The following ACACA variants were observed in gnomAD, a reference collection of about 807,000 sequenced individuals.
ACACA encodes the protein acetyl-CoA carboxylase alpha, also known as acetyl-CoA carboxylase 1.
ACACA carries 103 observed loss-of-function variants against 296.1 expected under a neutral mutation model. The observed-to-expected ratio is 0.35, with a 90% CI of 0.30 to 0.41. ACACA has a LOEUF of 0.41. Among genes scored for constraint, ACACA ranks in the 10% least tolerant of loss-of-function variants. The pLI is 1.00. For synonymous variants in ACACA, 953 were observed against 1,038.6 expected, an observed-to-expected ratio of 0.92 and a Z score of 1.58; for missense variants, 1,554 against 2,989.7, an observed-to-expected ratio of 0.52 and a Z score of 11.20.
intron 29 of ACACA, chr17:37,221,517 C>T: frequency 1.6e-6 from 1 of 631,142 alleles, no homozygotes; most frequent in South Asian, 1.8e-5. Context: ...TGGAGTAATC[C>T]TAAACTTTCA....
chr17:37,143,107 G>A (rs532666815), intron 45 of ACACA, among the ~76,000 whole-genome samples: 1 of 152,106 alleles, frequency 6.6e-6, no homozygotes, highest in Non-Finnish European at 1.5e-5. Flanking sequence ...GTAGCCCAGA[G>A]AGGTTAAATA....
intron 45 of ACACA, among the ~76,000 whole-genome samples, chr17:37,130,974 C>T (rs1355988559): frequency 6.6e-6 from 1 of 150,704 alleles, no homozygotes; most frequent in Non-Finnish European, 1.5e-5. Context: ...ATTACTTTTG[C>T]ACCAGCCTAA....
At chr17:37,361,898 T>C (rs2049418143) in intron 1 of ACACA, among the ~76,000 whole-genome samples, 1 of 152,256 alleles carries the variant, frequency 6.6e-6, no homozygotes, top group Non-Finnish European at 1.5e-5. Flanking sequence ...ACTAGAGGTC[T>C]GTTATGGGCT....
chr17:37,371,741 A>G (rs1375336964), intron 1 of ACACA, among the ~76,000 whole-genome samples: 1 of 151,790 alleles, frequency 6.6e-6, no homozygotes, highest in Non-Finnish European at 1.5e-5. Context: ...CTCTACTAAA[A>G]ATACAAAAAT....
At chr17:37,149,501 AAGAG>A (rs1409360317) in intron 45 of ACACA, among the ~76,000 whole-genome samples, 2 of 152,208 alleles carry the variant, frequency 1.3e-5, no homozygotes, top group Non-Finnish European at 2.9e-5. Context: ...GATTAAGAAA[AAGAG>A]AGAAGTGGGA....
intron 1 of ACACA, among the ~76,000 whole-genome samples, chr17:37,345,038 C>T (rs1439664699): frequency 6.6e-6 from 1 of 152,040 alleles, no homozygotes; most frequent in African/African-American, 2.4e-5. Flanking sequence ...TAAGATTTTC[C>T]GGTCCTCTTT....
chr17:37,215,870 T>C (rs1038361226), intron 29 of ACACA, among the ~76,000 whole-genome samples: 5 of 152,036 alleles, frequency 3.3e-5, no homozygotes, highest in Admixed American at 3.3e-4. Context: ...GGTTAATTCA[T>C]GTAAAACTCA....
rs1386032855 is a variant in ACACA at position 37,390,330 on chromosome 17, A to ATATATATATCTATATCTATATC, written c.38+15931_38+15932insGATATAGATATAGATATATATA. Among the ~76,000 whole-genome samples, 25 of 41,582 alleles carry ATATATATATCTATATCTATATC rather than the reference A, an allele frequency of 6.0e-4. 5 individuals carry two copies. The highest frequency in any genetic ancestry group is 3.1e-3 in the African/African-American group (24 of 7,842). 27.3% of individuals were successfully genotyped at this position (41,582 alleles called of 152,430 possible). A position where few individuals can be genotyped will look rare whatever the true frequency, so the allele number is the denominator to read the frequency against. ...TATATATATATATATATATATATAT[A>ATATATATATCTATATCTATATC]TATAAAAGGCCAGCTGGGCCGGGCA... On this transcript the variant is annotated intron_variant, in intron 1 of 55. Transcript: ENST00000616317.
chr17:37,214,617 T>C (rs1053987172), intron 29 of ACACA, among the ~76,000 whole-genome samples: 1 of 152,182 alleles, frequency 6.6e-6, no homozygotes, highest in Non-Finnish European at 1.5e-5. Context: ...TTGAGAGTTT[T>C]AAACTCAACT....
chr17:37,258,470 C>T, intron 12 of ACACA, 97 bp from the exon 13 acceptor site: 2 of 1,192,486 alleles, frequency 1.7e-6, no homozygotes, highest in South Asian at 2.6e-5. Flanking sequence ...TTTTTGGAGC[C>T]ACTCCCTAAA....
At chr17:37,388,438 G>C (rs1339177535) in intron 1 of ACACA, among the ~76,000 whole-genome samples, 1 of 152,130 alleles carries the variant, frequency 6.6e-6, no homozygotes, top group Non-Finnish European at 1.5e-5. Context: ...TTCCAGGGAA[G>C]GTGACTCAGT....
intron 23 of ACACA, 76 bp from the exon 24 acceptor site, chr17:37,240,640 T>C (rs2145923582): frequency 1.7e-6 from 2 of 1,152,168 alleles, no homozygotes; most frequent in Non-Finnish European, 2.5e-6. Context: ...AGGCCAAATT[T>C]ACCTCCACGA....
At chr17:37,342,156 C>T (rs567214727) in intron 1 of ACACA, among the ~76,000 whole-genome samples, 4 of 151,922 alleles carry the variant, frequency 2.6e-5, no homozygotes, top group Non-Finnish European at 4.4e-5. Flanking sequence ...CACCTGTAAT[C>T]CCAGCACTTT....
At chr17:37,093,785 A>G (rs1395061713) in intron 54 of ACACA, among the ~76,000 whole-genome samples, 10 of 152,212 alleles carry the variant, frequency 6.6e-5, no homozygotes, top group Non-Finnish European at 1.5e-5. Flanking sequence ...GGCGTGAGCC[A>G]CCACATCTGA....
intron 1 of ACACA, among the ~76,000 whole-genome samples, chr17:37,359,403 A>T (rs1315425427): frequency 1.3e-5 from 2 of 150,286 alleles, no homozygotes; most frequent in Admixed American, 6.6e-5. Context: ...CCCAGCGGCT[A>T]GAGGGCGGGC....
At chr17:37,213,249 C>T (rs894967466) in intron 29 of ACACA, among the ~76,000 whole-genome samples, 1 of 150,378 alleles carries the variant, frequency 6.6e-6, no homozygotes. Flanking sequence ...CTAGCTACTC[C>T]GAAGGTTGAG....
intron 32 of ACACA, 76 bp from the exon 33 acceptor site, chr17:37,205,948 G>A: frequency 8.0e-7 from 1 of 1,246,322 alleles, no homozygotes; most frequent in Non-Finnish European, 1.2e-6. Context: ...ATAATATTTG[G>A]TAGAATACCT....
Position 37,179,387 on chromosome 17 carries a change from T to G in ACACA, c.4952A>C (p.Glu1651Ala). ...MFRQSLIKLW[E>A]SMSTQAFLPS... Reference sequence around the variant, plus strand: ...AAGAAATGCTTGAGTGGACATAGACTCCCAGAGTTTGATCAGGGACTAGTG... The same window carrying G: ...AAGAAATGCTTGAGTGGACATAGACGCCCAGAGTTTGATCAGGGACTAGTG... Residue 1651 changes from glutamate (E) to alanine (A), a missense_variant, in exon 41 of 56, where the codon GAG becomes GCG. Glu to Ala is a moderately radical substitution (Grantham distance 107). Coordinates refer to ENST00000616317, the MANE Select transcript of ACACA (RefSeq NM_198834.3). The G allele has an allele frequency of 1.9e-6, 3 of 1,614,108 alleles. No homozygotes were observed. The South Asian group carries it at 3.3e-5, about 18-fold the overall frequency.
At chr17:37,289,935 G>A (rs1004925474) in intron 3 of ACACA, among the ~76,000 whole-genome samples, 4 of 152,186 alleles carry the variant, frequency 2.6e-5, no homozygotes, top group African/African-American at 9.7e-5. Flanking sequence ...GATAAATAGT[G>A]TGTGTTCCTT....
Sources: allele counts gnomAD v4.1 joint callset (sites outside exome capture counted in the v4.1 genomes callset), GRCh38; gene constraint gnomAD v4.1.1; transcripts MANE v1.5; gene names NCBI Gene and HGNC (gene_info 2026-07-23, HGNC 2026-07-21).